The following EXOC4 variants were observed in gnomAD, a reference collection of about 807,000 sequenced individuals.
EXOC4 encodes exocyst complex component 4.
Under a neutral mutation model 107.2 loss-of-function variants are expected in EXOC4, and 71 were observed. The observed-to-expected ratio is 0.66, with a 90% CI of 0.55 to 0.81. The LOEUF is 0.81. Among genes scored for constraint, EXOC4 ranks in the 30% least tolerant of loss-of-function variants. The pLI is 0.00. For missense variants in EXOC4, 1,108 were observed against 1,189.6 expected (o/e 0.93, Z 1.01); for synonymous variants, 456 against 441.2 (o/e 1.03, Z -0.42).
chr7:133,483,943 A>G, intron 9 of EXOC4: 1 of 1,261,740 alleles, frequency 7.9e-7, no homozygotes, highest in South Asian at 1.2e-5. Context: ...GTAAGAGACT[A>G]AGGGAAGATT....
chr7:133,302,887 G>A (rs1323146788), intron 3 of EXOC4, among the ~76,000 whole-genome samples: 3 of 152,118 alleles, frequency 2.0e-5, no homozygotes, highest in African/African-American at 4.8e-5. Flanking sequence ...ATTTGGAAAA[G>A]TGCAGTAATT....
chr7:134,083,662 A>T, the EXOC4 span, among the ~76,000 whole-genome samples: 1 of 152,118 alleles, frequency 6.6e-6, no homozygotes, highest in Non-Finnish European at 1.5e-5. Context: ...GGGTAGTCGG[A>T]CTTCTTAAAT....
chr7:133,944,263 A>G (rs1396514217), intron 14 of EXOC4, among the ~76,000 whole-genome samples: 2 of 152,166 alleles, frequency 1.3e-5, no homozygotes, highest in African/African-American at 4.8e-5. Context: ...GTTATCACAT[A>G]TATCACATAG....
intron 17 of EXOC4, among the ~76,000 whole-genome samples, chr7:134,049,244 T>C (rs1795727137): frequency 6.6e-6 from 1 of 152,200 alleles, no homozygotes; most frequent in South Asian, 2.1e-4. Context: ...TTGGTAATAA[T>C]AAATGGTAAT....
intron 9 of EXOC4, among the ~76,000 whole-genome samples, chr7:133,538,177 A>G (rs553848780): frequency 1.3e-5 from 2 of 152,280 alleles, no homozygotes; most frequent in Admixed American, 6.5e-5. Context: ...CTTTTTCACT[A>G]TGGTACAAGA....
chr7:133,312,906 A>G (rs1434768028), intron 4 of EXOC4, among the ~76,000 whole-genome samples: 1 of 152,092 alleles, frequency 6.6e-6, no homozygotes, highest in Non-Finnish European at 1.5e-5. Flanking sequence ...AAAGTTGTTT[A>G]AAAATAATTC....
chr7:133,971,761 A>C (rs1392722986), intron 14 of EXOC4, among the ~76,000 whole-genome samples: 2 of 152,214 alleles, frequency 1.3e-5, no homozygotes. Flanking sequence ...ATTAATTCAC[A>C]AAATGAAAAA....
intron 10 of EXOC4, among the ~76,000 whole-genome samples, chr7:133,702,321 T>G: frequency 1.8e-4 from 2 of 10,946 alleles, no homozygotes; most frequent in Admixed American, 1.1e-3. Context: ...ACGATGCTGG[T>G]TTGTTCATTC....
At chr7:133,560,926 A>G (rs1800792761) in intron 9 of EXOC4, among the ~76,000 whole-genome samples, 1 of 152,126 alleles carries the variant, frequency 6.6e-6, no homozygotes, top group African/African-American at 2.4e-5. Flanking sequence ...TGCTAAGAGT[A>G]TGATTTTATT....
At chr7:133,582,603 A>G (rs1801304418) in intron 9 of EXOC4, among the ~76,000 whole-genome samples, 1 of 152,060 alleles carries the variant, frequency 6.6e-6, no homozygotes, top group South Asian at 2.1e-4. Flanking sequence ...TATTTTAAAT[A>G]AGGTGAAGTG....
At chr7:133,489,505 G>A (rs1172397542) in intron 9 of EXOC4, among the ~76,000 whole-genome samples, 11 of 152,160 alleles carry the variant, frequency 7.2e-5, no homozygotes, top group South Asian at 6.2e-4. Flanking sequence ...ACCCCTGAAC[G>A]AGTACTGTAC....
chr7:133,768,617 C>T (rs922872277), intron 10 of EXOC4, among the ~76,000 whole-genome samples: 59 of 152,030 alleles, frequency 3.9e-4, no homozygotes, highest in African/African-American at 1.4e-3. Flanking sequence ...TCTTAGTTAT[C>T]ATATGAAATT....
intron 10 of EXOC4, among the ~76,000 whole-genome samples, chr7:133,719,839 T>G (rs1159159316): frequency 2.0e-5 from 3 of 152,210 alleles, no homozygotes; most frequent in Admixed American, 6.5e-5. Context: ...TGCAGTGTCT[T>G]GTTCAACATT....
chr7:133,339,591 A>T (rs1795611465), intron 5 of EXOC4, among the ~76,000 whole-genome samples: 1 of 152,044 alleles, frequency 6.6e-6, no homozygotes, highest in Non-Finnish European at 1.5e-5. Context: ...TTTGTAGATC[A>T]CTTTTGCCAT....
chr7:133,381,964 C>G (rs902407501), intron 7 of EXOC4, among the ~76,000 whole-genome samples: 1 of 152,078 alleles, frequency 6.6e-6, no homozygotes, highest in Admixed American at 6.6e-5. Context: ...GAAACAAGAA[C>G]TCTGGGGGCG....
intron 17 of EXOC4, among the ~76,000 whole-genome samples, chr7:134,059,115 C>T (rs1354128662): frequency 2.6e-5 from 4 of 152,116 alleles, no homozygotes; most frequent in Non-Finnish European, 1.5e-5. Flanking sequence ...GGACAGTTCC[C>T]CAGTCAGGGC....
intron 9 of EXOC4, among the ~76,000 whole-genome samples, chr7:133,520,353 A>G (rs987043824): frequency 1.3e-5 from 2 of 152,042 alleles, no homozygotes; most frequent in Non-Finnish European, 2.9e-5. Context: ...TGGTATTTTC[A>G]GGGACAAACA....
chr7:133,356,695 T>C lies in EXOC4; in HGVS notation c.1007+122T>C, dbSNP rs1796028363. ...CTTGAACTTAGGATACTATAGCCCATACAGGCCAGGCGCAGTGGCTCACGC... is the reference window on the plus strand; with the variant it reads ...CTTGAACTTAGGATACTATAGCCCACACAGGCCAGGCGCAGTGGCTCACGC... On this transcript the variant is annotated intron_variant, in intron 6 of 17. Coordinates refer to ENST00000253861, the MANE Select transcript of EXOC4 (RefSeq NM_021807.4). 45 of 1,190,062 alleles carry C rather than the reference T, an allele frequency of 3.8e-5. No homozygotes were observed. In the South Asian group the frequency reaches 5.0e-4, roughly 13 times the overall value. The allele number at this position is 1,190,062 out of a possible 1,614,324, so 73.7% of individuals were successfully genotyped here. A position where few individuals can be genotyped will look rare whatever the true frequency, so the allele number is the denominator to read the frequency against.
chr7:133,922,574 C>T (rs1376668902), intron 13 of EXOC4, among the ~76,000 whole-genome samples: 11 of 152,210 alleles, frequency 7.2e-5, no homozygotes, highest in East Asian at 1.9e-4. Flanking sequence ...TGGCCGGGCG[C>T]GGTGGCTCAT....
Sources: gnomAD v4.1 joint callset for allele counts (sites outside exome capture counted in the v4.1 genomes callset) on GRCh38, gnomAD v4.1.1 for gene constraint, MANE v1.5 for transcripts, NCBI Gene and HGNC (gene_info 2026-07-23, HGNC 2026-07-21) for gene names.